CSMD1: variants seen among roughly 807,000 people sequenced by gnomAD.
CSMD1 encodes the protein CUB and sushi domain-containing protein 1.
In CSMD1, 213 loss-of-function variants were observed where a neutral mutation model predicts 417.5. The observed-to-expected ratio is 0.51, with a 90% CI of 0.46 to 0.57. The LOEUF (loss-of-function observed/expected upper bound fraction) is 0.57, where lower values mean the gene tolerates loss of function less well. CSMD1 is among the 20% of genes least tolerant of loss of function. CSMD1 has a pLI of 0.00. For missense variants in CSMD1, 6,923 were observed against 4,529.7 expected, an observed-to-expected ratio of 1.53 and a Z score of -15.17; for synonymous variants, 2,862 against 1,736.8, an observed-to-expected ratio of 1.65 and a Z score of -16.11.
chr8:4,780,835 C>T (rs1797118607), intron 1 of CSMD1, among the ~76,000 whole-genome samples: 1 of 152,140 alleles, frequency 6.6e-6, no homozygotes, highest in South Asian at 2.1e-4. Context: ...TTTTCCGTTC[C>T]TCAGTTACTC....
At chr8:4,927,605 A>G (rs1806957413) in intron 1 of CSMD1, among the ~76,000 whole-genome samples, 1 of 152,180 alleles carries the variant, frequency 6.6e-6, no homozygotes, top group Non-Finnish European at 1.5e-5. Flanking sequence ...TCTTCATGGC[A>G]TCCTAAACTG....
chr8:4,350,354 G>T (rs552246584), intron 3 of CSMD1, among the ~76,000 whole-genome samples: 20 of 152,274 alleles, frequency 1.3e-4, no homozygotes, highest in African/African-American at 4.3e-4. Context: ...TGTGAACCAA[G>T]AAATGGAGAA....
chr8:4,163,720 T>C (rs1336744762), intron 3 of CSMD1, among the ~76,000 whole-genome samples: 4 of 152,192 alleles, frequency 2.6e-5, no homozygotes, highest in African/African-American at 9.6e-5. Context: ...GTGGATGTGA[T>C]GATCTTGATT....
At chr8:4,668,672 G>A (rs1418270834) in intron 1 of CSMD1, among the ~76,000 whole-genome samples, 1 of 151,668 alleles carries the variant, frequency 6.6e-6, no homozygotes, top group Non-Finnish European at 1.5e-5. Flanking sequence ...GGATGTTCTC[G>A]ATTTCCTGAC....
intron 2 of CSMD1, among the ~76,000 whole-genome samples, chr8:4,632,357 A>T (rs181215821): frequency 2.7e-4 from 40 of 150,824 alleles, no homozygotes; most frequent in African/African-American, 9.6e-4. Flanking sequence ...TACTAAAAAT[A>T]AAAAAATTAG....
intron 5 of CSMD1, among the ~76,000 whole-genome samples, chr8:3,914,777 C>T (rs539706953): frequency 9.2e-5 from 14 of 151,910 alleles, no homozygotes; most frequent in South Asian, 4.2e-4. Context: ...TCATTTTTAC[C>T]GGTTAATTCC....
intron 9 of CSMD1, among the ~76,000 whole-genome samples, chr8:3,583,613 A>G (rs1800474219): frequency 1.3e-5 from 2 of 152,032 alleles, no homozygotes; most frequent in Admixed American, 1.3e-4. Flanking sequence ...AAAACATGAT[A>G]GGAAAGACAT....
intron 2 of CSMD1, among the ~76,000 whole-genome samples, chr8:4,543,131 G>A (rs1384924674): frequency 1.3e-5 from 2 of 152,078 alleles, no homozygotes; most frequent in Non-Finnish European, 2.9e-5. Context: ...TATTACAATT[G>A]ATGAATACTG....
At position 3,097,021 on chromosome 8, in the gene CSMD1, A is replaced by C. The variant is rs1815356060; in HGVS notation, c.6966T>G (p.Asn2322Lys). 6.5e-7 allele frequency: 1 copy of C among 1,546,792 alleles called. No individual in the cohort carries two copies. The highest frequency in any genetic ancestry group is 2.0e-5 in the Admixed American group (1 of 49,562). ...CTCCCGATGATCCAGTCCGGACTTCATTTGCTGGGCATTGTGCTGGAGAGA... is the reference window on the plus strand; with the variant it reads ...CTCCCGATGATCCAGTCCGGACTTCCTTTGCTGGGCATTGTGCTGGAGAGA... ...LPTCEAQCPA[N>K]EVRTGSSGVI... The change falls in exon 47 of 70, where the codon AAT becomes AAG. Residue 2322 changes from asparagine (N) to lysine (K), a missense_variant. Asn to Lys is a moderately conservative substitution (Grantham distance 94, BLOSUM62 0). Coordinates refer to ENST00000635120, the MANE Select transcript of CSMD1 (RefSeq NM_033225.6).
intron 1 of CSMD1, among the ~76,000 whole-genome samples, chr8:4,714,635 G>A (rs1190513656): frequency 5.4e-5 from 2 of 36,860 alleles, no homozygotes; most frequent in African/African-American, 1.1e-4. Context: ...CAAAAACACA[G>A]GCCCTTTCCC....
In CSMD1 at chr8:3,408,000, T is replaced by C. The variant is rs943668158; in HGVS notation, c.1970A>G (p.Asn657Ser). ...GCTGGCCAGCTGGGAAGGCACTTCA[T>C]TGCCAGAAAAAGTACCCAGGACAGT... ...DITVLGTFSG[N>S]EVPSQLASSG... is the part of the protein sequence containing the mutation. The change falls in exon 14 of 70, where the codon AAT (asparagine) becomes AGT (serine). Residue 657 changes from asparagine to serine, a missense_variant. Transcript: ENST00000635120. 19 of 1,613,926 alleles carry C rather than the reference T, an allele frequency of 1.2e-5. No individual in the cohort carries two copies. Among genetic ancestry groups the C allele is most frequent in the East Asian group, 2.2e-5 (1 of 44,866 alleles).
chr8:3,791,545 C>G (rs1363881010), intron 5 of CSMD1, among the ~76,000 whole-genome samples: 2 of 152,162 alleles, frequency 1.3e-5, no homozygotes, highest in African/African-American at 4.8e-5. Flanking sequence ...CTTAACAGGC[C>G]GGGCATGGTG....
intron 12 of CSMD1, among the ~76,000 whole-genome samples, chr8:3,439,309 A>ATATATATATATATATTTTTTT: frequency 4.0e-4 from 25 of 62,440 alleles, no homozygotes; most frequent in African/African-American, 4.7e-4. Flanking sequence ...ATATATATAT[A>ATATATATATATATATTTTTTT]TTTTTTTTTT....
chr8:3,212,198 G>C (rs555877638), intron 30 of CSMD1, among the ~76,000 whole-genome samples: 2 of 152,052 alleles, frequency 1.3e-5, no homozygotes, highest in East Asian at 1.9e-4. Context: ...TCTTATTTTA[G>C]TTTTTAATAA....
At chr8:3,896,050 G>T (rs976394369) in intron 5 of CSMD1, among the ~76,000 whole-genome samples, 1 of 152,184 alleles carries the variant, frequency 6.6e-6, no homozygotes, top group Non-Finnish European at 1.5e-5. Context: ...ACTGCGGAGC[G>T]CTGGACTCAT....
intron 12 of CSMD1, among the ~76,000 whole-genome samples, chr8:3,460,456 T>G (rs1191034719): frequency 6.6e-6 from 1 of 152,130 alleles, no homozygotes; most frequent in Non-Finnish European, 1.5e-5. Flanking sequence ...AGGAACACTC[T>G]CTATGTTCAT....
chr8:4,451,841 A>C (rs2129829675), intron 2 of CSMD1, among the ~76,000 whole-genome samples: 1 of 151,986 alleles, frequency 6.6e-6, no homozygotes, highest in East Asian at 1.9e-4. Flanking sequence ...TTGTTTACGT[A>C]ATTCACTCAT....
rs1471285559 is a variant in CSMD1, at chr8:4,836,218, TTAGA to T, written c.85+158110_85+158113del. On this transcript the variant is annotated intron_variant, in intron 1 of 69. Transcript: ENST00000635120. ...TCAGGCATTCATCTACCTTGAGGTA[TTAGA>T]TAGGTTAATTAACTACCATGACTCA... Among the ~76,000 whole-genome samples the T allele has an allele frequency of 2.0e-5, 3 of 152,350 alleles. No homozygotes were observed. The East Asian group carries it at 5.8e-4, about 29-fold the overall frequency.
chr8:4,787,689 G>A, intron 1 of CSMD1: 3 of 1,590,948 alleles, frequency 1.9e-6, no homozygotes, highest in Non-Finnish European at 2.6e-6. Context: ...CACCTAAAGT[G>A]GAGTTGTTTT....
Sources: allele counts gnomAD v4.1 joint callset (sites outside exome capture counted in the v4.1 genomes callset), GRCh38; gene constraint gnomAD v4.1.1; transcripts MANE v1.5; gene names NCBI Gene and HGNC (gene_info 2026-07-23, HGNC 2026-07-21).